The following CCSER1 variants were observed in gnomAD, a reference collection of about 807,000 sequenced individuals.
CCSER1 encodes serine-rich coiled-coil domain-containing protein 1.
A neutral mutation model predicts 82.0 loss-of-function variants in CCSER1; 41 were observed. That is an observed-to-expected ratio of 0.50 (90% confidence interval 0.39 to 0.65). The LOEUF is 0.65. CCSER1 is among the 30% of genes least tolerant of loss of function. The pLI is 0.00. For synonymous variants in CCSER1, 414 were observed against 383.9 expected (o/e 1.08, Z -0.92); for missense variants, 1,119 against 1,064.2 (o/e 1.05, Z -0.72).
At chr4:90,689,727 A>T (rs1288954841) in intron 6 of CCSER1, among the ~76,000 whole-genome samples, 6 of 152,110 alleles carry the variant, frequency 3.9e-5, no homozygotes, top group Non-Finnish European at 5.9e-5. Flanking sequence ...ACAGGAAATG[A>T]ACGACAAAGA....
intron 1 of CCSER1, among the ~76,000 whole-genome samples, chr4:90,146,971 A>G (rs915667969): frequency 6.6e-6 from 1 of 152,106 alleles, no homozygotes; most frequent in African/African-American, 2.4e-5. Flanking sequence ...ATGAAGTCAA[A>G]CCACAATGTT....
intron 9 of CCSER1, among the ~76,000 whole-genome samples, chr4:90,998,916 T>C (rs1253602371): frequency 1.3e-5 from 2 of 152,140 alleles, no homozygotes; most frequent in Non-Finnish European, 2.9e-5. Flanking sequence ...CCCCAGTGTC[T>C]ATTGTTGCTG....
intron 3 of CCSER1, among the ~76,000 whole-genome samples, chr4:90,351,617 A>G (rs541052905): frequency 1.3e-5 from 2 of 152,312 alleles, no homozygotes; most frequent in East Asian, 3.9e-4. Flanking sequence ...AAAAAAAAGT[A>G]CATTGTGTGT....
intron 5 of CCSER1, among the ~76,000 whole-genome samples, chr4:90,510,661 T>C (rs1168601232): frequency 1.3e-5 from 2 of 152,222 alleles, no homozygotes; most frequent in Non-Finnish European, 2.9e-5. Context: ...TGGGGAAATA[T>C]AGCAGATTAA....
chr4:90,650,264 GA>G (rs2149039360), intron 6 of CCSER1, among the ~76,000 whole-genome samples: 1 of 152,080 alleles, frequency 6.6e-6, no homozygotes, highest in South Asian at 2.1e-4. Context: ...AAAGGGTCAA[GA>G]AAGTGAAAAC....
At chr4:91,283,764 G>A (rs1233228940) in intron 10 of CCSER1, among the ~76,000 whole-genome samples, 1 of 151,568 alleles carries the variant, frequency 6.6e-6, no homozygotes, top group Non-Finnish European at 1.5e-5. Flanking sequence ...TGTTACTAAT[G>A]CTGACATCAT....
intron 10 of CCSER1, among the ~76,000 whole-genome samples, chr4:91,218,627 A>G (rs905014839): frequency 2.6e-5 from 4 of 152,220 alleles, no homozygotes; most frequent in Non-Finnish European, 5.9e-5. Context: ...AGGAAATTTC[A>G]TTGAATTGTT....
intron 5 of CCSER1, among the ~76,000 whole-genome samples, chr4:90,623,345 AT>A (rs35974323): frequency 0.29 from 42,686 of 149,714 alleles, 6,263 homozygotes; most frequent in East Asian, 0.36. Flanking sequence ...GGATGGCAGG[AT>A]TTTTTTTTTA....
chr4:90,965,191 G>A (rs974017964), intron 9 of CCSER1, among the ~76,000 whole-genome samples: 15 of 152,120 alleles, frequency 9.9e-5, no homozygotes, highest in African/African-American at 3.6e-4. Flanking sequence ...TATTTCAGTT[G>A]CTTGAGGCAG....
chr4:90,816,471 TA>T (rs1759030196), intron 8 of CCSER1, among the ~76,000 whole-genome samples: 1 of 152,102 alleles, frequency 6.6e-6, no homozygotes, highest in Non-Finnish European at 1.5e-5. Flanking sequence ...CAGTGGGCAT[TA>T]TTTTTTCTAA....
intron 10 of CCSER1, among the ~76,000 whole-genome samples, chr4:91,278,769 T>A (rs1004670219): frequency 4.6e-5 from 7 of 152,182 alleles, no homozygotes; most frequent in African/African-American, 1.7e-4. Context: ...TTTCTCCTTC[T>A]TATTGTTTAT....
At chr4:91,133,679 T>C (rs1728201423) in intron 10 of CCSER1, among the ~76,000 whole-genome samples, 1 of 152,164 alleles carries the variant, frequency 6.6e-6, no homozygotes, top group African/African-American at 2.4e-5. Flanking sequence ...CCAGAAACAG[T>C]GATTCCACCA....
chr4:90,479,838 C>T (rs1471163565), intron 5 of CCSER1, among the ~76,000 whole-genome samples: 12 of 152,138 alleles, frequency 7.9e-5, no homozygotes, highest in Non-Finnish European at 1.3e-4. Flanking sequence ...AATAAACATA[C>T]GTGTGCATGT....
chr4:90,610,943 A>G (rs1785389012), intron 5 of CCSER1, among the ~76,000 whole-genome samples: 1 of 151,534 alleles, frequency 6.6e-6, no homozygotes, highest in South Asian at 2.1e-4. Context: ...CAATAGCGTG[A>G]TCTTGGCTCA....
intron 6 of CCSER1, among the ~76,000 whole-genome samples, chr4:90,701,979 T>C (rs1413417285): frequency 6.6e-6 from 1 of 152,148 alleles, no homozygotes; most frequent in African/African-American, 2.4e-5. Context: ...TTCTCCTGCT[T>C]GATTGCCCTG....
In CCSER1 at chr4:91,602,079, A is replaced by G. The variant is rs1323602325; in HGVS notation, c.*3022A>G. ...GCAATGCTAAAGATGTGAATCCACCACTATCAATACGGTCAGGGTAAAACC... is the reference window on the plus strand; with the variant it reads ...GCAATGCTAAAGATGTGAATCCACCGCTATCAATACGGTCAGGGTAAAACC... On this transcript the variant is annotated 3_prime_UTR_variant, in exon 11 of 11. Transcript: ENST00000509176. Among the ~76,000 whole-genome samples, 1 of 152,022 alleles carries G rather than the reference A, an allele frequency of 6.6e-6. No individual in the cohort carries two copies. Among genetic ancestry groups the G allele is most frequent in the Non-Finnish European group, 1.5e-5 (1 of 67,952 alleles).
chr4:91,441,254 T>A (rs1330431042), intron 10 of CCSER1, among the ~76,000 whole-genome samples: 1 of 151,762 alleles, frequency 6.6e-6, no homozygotes, highest in Non-Finnish European at 1.5e-5. Context: ...CAGCAGCACA[T>A]CAAAAAGCTT....
intron 10 of CCSER1, among the ~76,000 whole-genome samples, chr4:91,419,599 G>C (rs1178755060): frequency 6.6e-6 from 1 of 152,010 alleles, no homozygotes; most frequent in African/African-American, 2.4e-5. Context: ...TGGATTGAAA[G>C]AATTAATCTT....
intron 10 of CCSER1, among the ~76,000 whole-genome samples, chr4:91,250,862 G>C (rs1581843793): frequency 6.6e-6 from 1 of 152,030 alleles, no homozygotes; most frequent in African/African-American, 2.4e-5. Flanking sequence ...GAAATATCAA[G>C]TAAACCACCA....
Sources: allele counts gnomAD v4.1 joint callset (sites outside exome capture counted in the v4.1 genomes callset), GRCh38; gene constraint gnomAD v4.1.1; transcripts MANE v1.5; gene names NCBI Gene and HGNC (gene_info 2026-07-23, HGNC 2026-07-21).